CAMTA1: variants seen among roughly 807,000 people sequenced by gnomAD.
The protein encoded by CAMTA1 is calmodulin-binding transcription activator 1.
In CAMTA1, 27 loss-of-function variants were observed where a neutral mutation model predicts 170.9. The observed-to-expected ratio is 0.16, with a 90% CI of 0.12 to 0.22. The LOEUF (loss-of-function observed/expected upper bound fraction) is 0.22, where lower values mean the gene tolerates loss of function less well. Ranked by LOEUF, CAMTA1 falls within the 10% of genes least tolerant of loss-of-function variation. CAMTA1 has a pLI of 1.00. For synonymous variants in CAMTA1, 833 were observed against 891.5 expected (o/e 0.93, Z 1.17); for missense variants, 1,619 against 2,217.2 (o/e 0.73, Z 5.42).
chr1:7,398,223 A>G (rs1267644014), intron 5 of CAMTA1, among the ~76,000 whole-genome samples: 1 of 115,410 alleles, frequency 8.7e-6, no homozygotes. Context: ...ATATATATAT[A>G]TATATATATA....
intron 4 of CAMTA1, among the ~76,000 whole-genome samples, chr1:7,114,647 T>G (rs1644258363): frequency 6.6e-6 from 1 of 152,338 alleles, no homozygotes; most frequent in East Asian, 1.9e-4. Flanking sequence ...TCCCAAAATC[T>G]GCAGTCAGCA....
At chr1:7,081,459 G>A (rs9434827) in intron 3 of CAMTA1, among the ~76,000 whole-genome samples, 75,871 of 152,128 alleles carry the variant, frequency 0.5, 19,934 homozygotes, top group South Asian at 0.63. Context: ...AGAAGTTGGG[G>A]CAGTCTTGGA....
In CAMTA1 at chr1:7,547,359, C is replaced by G. The variant is rs2094709248; in HGVS notation, c.510+79458C>G. On this transcript the variant is annotated intron_variant, in intron 6 of 22. Coordinates refer to ENST00000303635, the MANE Select transcript of CAMTA1 (RefSeq NM_015215.4). This position sits in a 1 kb window ranked among gnomAD's most constrained non-coding sequence, Gnocchi z 5.7. Reference sequence around the variant, plus strand: ...TATATGTATCATATGCACACACACACACACACACACACACACACACACACA... The same window carrying G: ...TATATGTATCATATGCACACACACAGACACACACACACACACACACACACA... Among the ~76,000 whole-genome samples the G allele has an allele frequency of 6.9e-6, 1 of 144,330 alleles. No individual in the cohort carries two copies. The highest frequency in any genetic ancestry group is 1.5e-5 in the Non-Finnish European group (1 of 65,410). 94.7% of individuals were successfully genotyped at this position (144,330 alleles called of 152,430 possible).
intron 6 of CAMTA1, among the ~76,000 whole-genome samples, chr1:7,538,267 G>A (rs2150088180): frequency 6.6e-6 from 1 of 152,306 alleles, no homozygotes; most frequent in East Asian, 1.9e-4. Context: ...AATTGGCTGT[G>A]ATGAGTCAGT....
intron 11 of CAMTA1, among the ~76,000 whole-genome samples, chr1:7,731,103 A>G (rs958574442): frequency 1.3e-5 from 2 of 152,110 alleles, no homozygotes; most frequent in Admixed American, 6.6e-5. Flanking sequence ...GTGCATGCAC[A>G]TGTGTGTGTA....
At chr1:7,247,439 G>C (rs891201482) in intron 4 of CAMTA1, among the ~76,000 whole-genome samples, 4 of 152,186 alleles carry the variant, frequency 2.6e-5, no homozygotes, top group Non-Finnish European at 2.9e-5. Flanking sequence ...AAAGGGCAAG[G>C]GATGGAACAA....
chr1:7,467,679 G>A, intron 5 of CAMTA1, 151 bp from the exon 6 acceptor site: 1 of 770,674 alleles, frequency 1.3e-6, no homozygotes, highest in East Asian at 2.5e-5. Flanking sequence ...CTTAGTCTTG[G>A]AGCTGGAGCC....
At chr1:7,659,437 G>C (rs746976524) in intron 7 of CAMTA1, among the ~76,000 whole-genome samples, 3 of 152,180 alleles carry the variant, frequency 2.0e-5, no homozygotes, top group African/African-American at 4.8e-5. Flanking sequence ...AGGAGGCTGA[G>C]GCAGAAGAAT....
chr1:7,167,563 A>G (rs938175348), intron 4 of CAMTA1, among the ~76,000 whole-genome samples: 30 of 151,994 alleles, frequency 2.0e-4, no homozygotes, highest in African/African-American at 7.0e-4. Context: ...ACCACTATAT[A>G]TATGTTCTGC....
At chr1:7,555,951 G>A (rs560419461) in intron 6 of CAMTA1, among the ~76,000 whole-genome samples, 9 of 152,318 alleles carry the variant, frequency 5.9e-5, no homozygotes, top group South Asian at 4.1e-4. Context: ...AGATCAGCAG[G>A]CGGCTGCCTG....
rs572347863 is a variant in CAMTA1 at position 7,167,670 on chromosome 1, T to C, written c.302+76299T>C. On this transcript the variant is annotated intron_variant, in intron 4 of 22. Coordinates refer to ENST00000303635, the MANE Select transcript of CAMTA1 (RefSeq NM_015215.4). Reference sequence around the variant, plus strand: ...CCTATGGGGAGATTTTGATTGGAATTACATTAAATCTGTCAGTTTGGTGAG... The same window carrying C: ...CCTATGGGGAGATTTTGATTGGAATCACATTAAATCTGTCAGTTTGGTGAG... 1.6e-4 allele frequency among the ~76,000 whole-genome samples: 25 copies of C among 152,304 alleles called. No individual in the cohort carries two copies. In the South Asian group the frequency reaches 4.8e-3, roughly 29 times the overall value.
chr1:7,470,534 A>T (rs1316986244), intron 6 of CAMTA1, among the ~76,000 whole-genome samples: 1 of 152,202 alleles, frequency 6.6e-6, no homozygotes, highest in Non-Finnish European at 1.5e-5. Context: ...CTGAGGAAGG[A>T]GGCTGCTCAG....
chr1:7,370,742 G>T (rs952621232), intron 5 of CAMTA1, among the ~76,000 whole-genome samples: 2 of 151,940 alleles, frequency 1.3e-5, no homozygotes, highest in East Asian at 1.9e-4. Flanking sequence ...CCACATAAAT[G>T]GATATATCAA....
chr1:7,670,786 G>A (rs376141163), intron 9 of CAMTA1, 125 bp from the exon 10 acceptor site: 2 of 1,069,604 alleles, frequency 1.9e-6, no homozygotes, highest in Non-Finnish European at 1.4e-6. Flanking sequence ...GTGAGGGCCT[G>A]GGAATCTGCA....
chr1:6,829,983 A>G (rs1649085233), intron 3 of CAMTA1, among the ~76,000 whole-genome samples: 1 of 152,092 alleles, frequency 6.6e-6, no homozygotes, highest in African/African-American at 2.4e-5. Flanking sequence ...TTTTTTAAAA[A>G]AAGTTTTCTC....
rs941775899 is a variant in CAMTA1 at position 7,609,570 on chromosome 1, G to A, written c.511-30830G>A. Among the ~76,000 whole-genome samples the A allele has an allele frequency of 6.6e-6, 1 of 152,200 alleles. No homozygotes were observed. The highest frequency in any genetic ancestry group is 2.4e-5 in the African/African-American group (1 of 41,454). On this transcript the variant is annotated intron_variant, in intron 6 of 22. Coordinates refer to ENST00000303635, the MANE Select transcript of CAMTA1 (RefSeq NM_015215.4). This position sits in a 1 kb window ranked among gnomAD's most constrained non-coding sequence, Gnocchi z 4.4. The stretch of plus-strand genomic sequence containing the variant: ...CTCCAGTCCAGCCCTGCAGGAGTGA[G>A]CCAGCCTCAGCCAGGCCATGGCACA...
chr1:6,950,612 A>C (rs1688315408), intron 3 of CAMTA1, among the ~76,000 whole-genome samples: 1 of 152,038 alleles, frequency 6.6e-6, no homozygotes, highest in African/African-American at 2.4e-5. Context: ...TGCCAGAGAG[A>C]ATGTGGAGTC....
intron 4 of CAMTA1, chr1:7,141,991 C>G: frequency 2.2e-6 from 1 of 455,202 alleles, no homozygotes; most frequent in Admixed American, 2.1e-5. Context: ...TCTGACTTCC[C>G]CTGCTTTTTT....
At chr1:7,306,004 G>T (rs1238750445) in intron 5 of CAMTA1, among the ~76,000 whole-genome samples, 5 of 151,798 alleles carry the variant, frequency 3.3e-5, no homozygotes, top group African/African-American at 1.2e-4. Context: ...TTATTTATTG[G>T]GTTGTTTGTT....
Sources: allele counts gnomAD v4.1 joint callset (sites outside exome capture counted in the v4.1 genomes callset), GRCh38; gene constraint gnomAD v4.1.1; non-coding constraint Gnocchi (gnomAD v3.1); transcripts MANE v1.5; gene names NCBI Gene and HGNC (gene_info 2026-07-23, HGNC 2026-07-21).